The following PCLO variants were observed in gnomAD, a reference collection of about 807,000 sequenced individuals.
The protein encoded by PCLO is piccolo presynaptic cytomatrix protein.
In PCLO, 82 loss-of-function variants were observed where a neutral mutation model predicts 427.5. The observed-to-expected ratio is 0.19, with a 90% CI of 0.16 to 0.23. The LOEUF (loss-of-function observed/expected upper bound fraction) is 0.23. Among genes scored for constraint, PCLO ranks in the 10% least tolerant of loss-of-function variants. The pLI is 1.00. For missense variants in PCLO, 6,239 were observed against 6,115.9 expected (o/e 1.02, Z -0.67); for synonymous variants, 2,357 against 2,155.4 (o/e 1.09, Z -2.59).
chr7:82,901,032 A>C (rs1794025461), intron 9 of PCLO, among the ~76,000 whole-genome samples: 1 of 151,884 alleles, frequency 6.6e-6, no homozygotes, highest in Non-Finnish European at 1.5e-5. Flanking sequence ...ACAGATTTTT[A>C]ATTTCCTGTA....
At chr7:82,961,093 A>T (rs1481544118) in intron 4 of PCLO, among the ~76,000 whole-genome samples, 1 of 152,224 alleles carries the variant, frequency 6.6e-6, no homozygotes, top group East Asian at 1.9e-4. Context: ...ATAAGGAAGT[A>T]CTTAACATAG....
At chr7:82,933,146 T>G (rs1355629442) in intron 6 of PCLO, among the ~76,000 whole-genome samples, 4 of 152,042 alleles carry the variant, frequency 2.6e-5, no homozygotes, top group African/African-American at 9.6e-5. Flanking sequence ...TCTGAATTAC[T>G]GCCTCAGTTT....
At chr7:82,987,053 T>C (rs936651829) in intron 3 of PCLO, among the ~76,000 whole-genome samples, 3 of 152,014 alleles carry the variant, frequency 2.0e-5, no homozygotes, top group Admixed American at 2.0e-4. Context: ...AGATTAACCA[T>C]ATTTTACACC....
chr7:83,009,258 A>C (rs979124070), intron 3 of PCLO, among the ~76,000 whole-genome samples: 4 of 151,848 alleles, frequency 2.6e-5, no homozygotes, highest in African/African-American at 9.7e-5. Context: ...TTTCACTAGT[A>C]CCAAATGAAC....
In PCLO at chr7:83,155,481, C is replaced by T. The variant is rs773108219; in HGVS notation, c.1160G>A (p.Gly387Glu). 5 of 1,612,754 alleles carry T rather than the reference C, an allele frequency of 3.1e-6. No homozygotes were observed. Among genetic ancestry groups the T allele is most frequent in the Non-Finnish European group, 4.2e-6 (5 of 1,179,386 alleles). ...GSEKPSSEQPGPKALAQPPGV... is the reference protein window; with the variant it reads ...GSEKPSSEQPEPKALAQPPGV... ...AGGAGGCTGAGCTAAAGCCTTTGGC[C>T]CAGGCTGCTCCGATGAAGGCTTCTC... The change falls in exon 2 of 25, where the codon GGG becomes GAG. Residue 387 changes from glycine (G) to glutamate (E), a missense_variant. Coordinates refer to ENST00000333891, the MANE Select transcript of PCLO (RefSeq NM_033026.6).
chr7:83,128,518 T>TA (rs1791495939), intron 3 of PCLO, among the ~76,000 whole-genome samples: 1 of 152,084 alleles, frequency 6.6e-6, no homozygotes, highest in African/African-American at 2.4e-5. Flanking sequence ...CAAACTTCGT[T>TA]AGACTATTAA....
chr7:83,021,296 T>C (rs1428367304), intron 3 of PCLO, among the ~76,000 whole-genome samples: 1 of 152,176 alleles, frequency 6.6e-6, no homozygotes, highest in Non-Finnish European at 1.5e-5. Context: ...TCTTGGTGTA[T>C]TGGTCTGTTA....
In PCLO at chr7:83,134,218, AATATATATATAT is replaced by A. The variant is rs61658777; in HGVS notation, c.3300+20_3300+31del. 1 of 428,842 alleles carries A rather than the reference AATATATATATAT, an allele frequency of 2.3e-6. No homozygotes were observed. Among genetic ancestry groups the A allele is most frequent in the Non-Finnish European group, 3.5e-6 (1 of 288,032 alleles). The allele number at this position is 428,842 out of a possible 1,614,324, so 26.6% of individuals were successfully genotyped here. ...AACCCACAGACTCACCTCCATATGT[AATATATATATAT>A]ATATATATATATAACTTACCTCAGT... is the stretch of plus-strand genomic sequence containing the variant. On this transcript the variant is annotated intron_variant, in intron 3 of 24. Transcript: ENST00000333891.
intron 3 of PCLO, among the ~76,000 whole-genome samples, chr7:83,014,518 C>T (rs1225189523): frequency 6.6e-6 from 1 of 151,836 alleles, no homozygotes; most frequent in Non-Finnish European, 1.5e-5. Context: ...AGCAAAATTT[C>T]CTGAAAGTAA....
At chr7:82,843,261 T>C (rs1792413061) in intron 13 of PCLO, among the ~76,000 whole-genome samples, 1 of 152,120 alleles carries the variant, frequency 6.6e-6, no homozygotes, top group South Asian at 2.1e-4. Context: ...ACAAGATGGA[T>C]AAACCTGAAG....
intron 3 of PCLO, among the ~76,000 whole-genome samples, chr7:83,056,188 A>G (rs1789374451): frequency 6.6e-6 from 1 of 152,122 alleles, no homozygotes; most frequent in Admixed American, 6.6e-5. Context: ...TTTGGAGTAA[A>G]TACTAGATAT....
chr7:82,889,709 G>A (rs76481590), intron 9 of PCLO, among the ~76,000 whole-genome samples: 3,894 of 152,084 alleles, frequency 0.026, 187 homozygotes, highest in African/African-American at 0.089. Context: ...AGGGGAAAAC[G>A]ACATAAATGC....
Position 82,949,741 on chromosome 7 carries a change from G to T in PCLO, c.10847C>A (p.Pro3616Gln). ...GTAAAGGACTTTGGGGGATTTGGGT[G>T]GGGAAGGAGCCAGCTGTACTGTGGA... ...ADSTVQLAPS[P>Q]PKSPKVLYSP... is the part of the protein sequence containing the mutation. The change falls in exon 6 of 25, where the codon CCA becomes CAA. Residue 3616 changes from proline (P) to glutamine (Q), a missense_variant. Pro to Gln is a moderately conservative substitution (Grantham distance 76). Coordinates refer to ENST00000333891, the MANE Select transcript of PCLO (RefSeq NM_033026.6). 1 of 1,613,786 alleles carries T rather than the reference G, an allele frequency of 6.2e-7. No individual in the cohort carries two copies. Among genetic ancestry groups the T allele is most frequent in the South Asian group, 1.1e-5 (1 of 91,072 alleles).
At chr7:82,798,053 A>G (rs577366214) in intron 22 of PCLO, among the ~76,000 whole-genome samples, 32 of 152,284 alleles carry the variant, frequency 2.1e-4, no homozygotes, top group African/African-American at 7.7e-4. Flanking sequence ...AGCAAAAACA[A>G]GAATAAAAAT....
intron 3 of PCLO, among the ~76,000 whole-genome samples, chr7:83,003,124 T>A (rs550250179): frequency 6.6e-6 from 1 of 151,524 alleles, no homozygotes; most frequent in African/African-American, 2.4e-5. Flanking sequence ...ATATTTTATA[T>A]TTTATCTCCC....
intron 3 of PCLO, among the ~76,000 whole-genome samples, chr7:83,038,418 T>G (rs1259151827): frequency 6.6e-6 from 1 of 151,758 alleles, no homozygotes; most frequent in African/African-American, 2.4e-5. Context: ...CAACCACTAA[T>G]CTGCTTTCTA....
intron 4 of PCLO, among the ~76,000 whole-genome samples, chr7:82,962,559 CCT>C (rs1366481964): frequency 6.6e-6 from 1 of 151,922 alleles, no homozygotes; most frequent in African/African-American, 2.4e-5. Context: ...CATAATATTC[CCT>C]GTTTCTCTTA....
At chr7:82,978,080 T>C (rs914262925) in intron 3 of PCLO, among the ~76,000 whole-genome samples, 13 of 152,034 alleles carry the variant, frequency 8.6e-5, no homozygotes, top group South Asian at 2.1e-4. Flanking sequence ...AACATAAATA[T>C]ATAAGACCAT....
At chr7:82,774,513 T>C (rs1285748934) in intron 22 of PCLO, among the ~76,000 whole-genome samples, 1 of 152,182 alleles carries the variant, frequency 6.6e-6, no homozygotes, top group East Asian at 1.9e-4. Flanking sequence ...AAAAAGTTGC[T>C]TTTGTTTTCC....
Sources: allele counts gnomAD v4.1 joint callset (sites outside exome capture counted in the v4.1 genomes callset), GRCh38; gene constraint gnomAD v4.1.1; transcripts MANE v1.5; gene names NCBI Gene and HGNC (gene_info 2026-07-23, HGNC 2026-07-21).